Variants in NOL4 observed in about 807,000 individuals in gnomAD.
NOL4 encodes cancer/testis antigen 125.
Under a neutral mutation model 75.9 loss-of-function variants are expected in NOL4, and 17 were observed. The ratio of observed to expected loss-of-function variants is 0.22; its 90% confidence interval spans 0.15 to 0.34. NOL4 has a LOEUF of 0.34. Ranked by LOEUF, NOL4 falls within the 10% of genes least tolerant of loss-of-function variation. The pLI, the probability that NOL4 is intolerant of heterozygous loss-of-function variation, is 1.00. For missense variants in NOL4, 614 were observed against 793.5 expected (o/e 0.77, Z 2.72); for synonymous variants, 292 against 289.9 (o/e 1.01, Z -0.07).
chr18:34,116,980 G>C (rs1228295747), intron 2 of NOL4, among the ~76,000 whole-genome samples: 1 of 152,068 alleles, frequency 6.6e-6, no homozygotes, highest in African/African-American at 2.4e-5. Context: ...CAAACCTCTG[G>C]TTCCTGAAAT....
intron 10 of NOL4, among the ~76,000 whole-genome samples, chr18:33,874,914 A>T (rs1400573195): frequency 6.6e-6 from 1 of 151,934 alleles, no homozygotes; most frequent in Non-Finnish European, 1.5e-5. Flanking sequence ...TAAAGACAAA[A>T]CCCCAAATAT....
intron 2 of NOL4, among the ~76,000 whole-genome samples, chr18:34,106,255 G>A (rs1032576155): frequency 1.3e-5 from 2 of 152,132 alleles, no homozygotes; most frequent in South Asian, 2.1e-4. Flanking sequence ...AGTGGTGATG[G>A]AGTCAACTTT....
intron 2 of NOL4, among the ~76,000 whole-genome samples, chr18:34,124,522 T>C (rs2080294064): frequency 6.6e-6 from 1 of 152,172 alleles, no homozygotes; most frequent in African/African-American, 2.4e-5. Flanking sequence ...TTGCTGAGAC[T>C]TCTTCCTCAT....
At chr18:33,965,044 T>C (rs576052401) in intron 6 of NOL4, among the ~76,000 whole-genome samples, 48 of 152,278 alleles carry the variant, frequency 3.2e-4, no homozygotes, top group African/African-American at 1.1e-3. Context: ...GAGGAAAATA[T>C]ATAGTAACAT....
intron 6 of NOL4, among the ~76,000 whole-genome samples, chr18:33,974,243 T>C (rs1166348344): frequency 6.6e-6 from 1 of 152,182 alleles, no homozygotes; most frequent in Admixed American, 6.5e-5. Flanking sequence ...ACTTTTCTCT[T>C]GAAGCTTTCT....
intron 5 of NOL4, among the ~76,000 whole-genome samples, chr18:34,093,002 C>A (rs539552589): frequency 6.6e-6 from 1 of 152,266 alleles, no homozygotes; most frequent in East Asian, 1.9e-4. Flanking sequence ...TCTTACTCAG[C>A]ACTATTGCTC....
intron 1 of NOL4, among the ~76,000 whole-genome samples, chr18:34,131,626 T>A (rs1242673437): frequency 2.6e-5 from 4 of 152,094 alleles, no homozygotes; most frequent in Non-Finnish European, 5.9e-5. Flanking sequence ...AATATGATAA[T>A]CTTTTACACT....
intron 9 of NOL4, among the ~76,000 whole-genome samples, chr18:33,891,481 A>C (rs2065091250): frequency 1.3e-5 from 2 of 152,176 alleles, no homozygotes; most frequent in African/African-American, 4.8e-5. Flanking sequence ...ACAATGTTCT[A>C]TACTTCAAGG....
chr18:34,207,113 T>C (rs2036175426), intron 1 of NOL4, among the ~76,000 whole-genome samples: 1 of 152,186 alleles, frequency 6.6e-6, no homozygotes, highest in South Asian at 2.1e-4. Context: ...TCAAGAGTGT[T>C]TGCATTTTCA....
intron 1 of NOL4, among the ~76,000 whole-genome samples, chr18:34,137,808 A>ACACACACG (rs1568382902): frequency 6.6e-6 from 1 of 150,832 alleles, no homozygotes; most frequent in African/African-American, 2.4e-5. Flanking sequence ...ACACACACAC[A>ACACACACG]CGCACGCACA....
intron 1 of NOL4, among the ~76,000 whole-genome samples, chr18:34,139,290 G>T (rs2081037863): frequency 2.6e-5 from 4 of 152,202 alleles, no homozygotes; most frequent in Admixed American, 1.3e-4. Context: ...GAATTCGGCT[G>T]TGAATCTGTC....
At chr18:33,963,883 T>A (rs947395533) in intron 6 of NOL4, among the ~76,000 whole-genome samples, 1 of 152,134 alleles carries the variant, frequency 6.6e-6, no homozygotes, top group Non-Finnish European at 1.5e-5. Context: ...ATGGCTCAGA[T>A]AGCAACACCA....
intron 1 of NOL4, chr18:34,183,531 C>T (rs958637648): frequency 6.6e-6 from 1 of 151,918 alleles, no homozygotes; most frequent in African/African-American, 2.4e-5. Context: ...CACATAAAAA[C>T]TTGTATGCAA....
chr18:33,868,139 G>C (rs1004907526), intron 10 of NOL4, among the ~76,000 whole-genome samples: 4 of 151,392 alleles, frequency 2.6e-5, no homozygotes, highest in African/African-American at 9.7e-5. Context: ...TAGAGCTCGA[G>C]TGATCCTCCC....
chr18:33,971,624 AT>A (rs1312953897), intron 6 of NOL4, among the ~76,000 whole-genome samples: 1 of 152,152 alleles, frequency 6.6e-6, no homozygotes, highest in Non-Finnish European at 1.5e-5. Flanking sequence ...CTAAGAGAAA[AT>A]GTACAGTTCT....
rs369783239 is a variant in NOL4 at position 34,024,379 on chromosome 18, G to A, written c.773-4778C>T. Among the ~76,000 whole-genome samples the A allele has an allele frequency of 3.2e-4, 48 of 150,400 alleles. No homozygotes were observed. In the South Asian group the frequency reaches 3.6e-3, roughly 11 times the overall value. On this transcript the variant is annotated intron_variant, in intron 5 of 10. Coordinates refer to ENST00000261592, the MANE Select transcript of NOL4 (RefSeq NM_003787.5). ...GAAAACTTCTCTTTCATATCTTACC[G>A]TAAAACTAAGTATTAGGTCCAAAAT... is the stretch of plus-strand genomic sequence containing the variant.
intron 1 of NOL4, among the ~76,000 whole-genome samples, chr18:34,165,440 C>T (rs971513131): frequency 6.6e-6 from 1 of 152,018 alleles, no homozygotes; most frequent in South Asian, 2.1e-4. Flanking sequence ...AAAGGTTAGC[C>T]TAGCACACCA....
chr18:33,871,822 T>A (rs1346719678), intron 10 of NOL4, among the ~76,000 whole-genome samples: 15 of 152,074 alleles, frequency 9.9e-5, no homozygotes, highest in Admixed American at 9.2e-4. Context: ...AAGTGCTGGA[T>A]AGTTCAGGGA....
At chr18:34,106,584 T>C (rs755788613) in intron 2 of NOL4, among the ~76,000 whole-genome samples, 15 of 151,958 alleles carry the variant, frequency 9.9e-5, no homozygotes, top group Non-Finnish European at 1.5e-4. Flanking sequence ...CTTCAGACTA[T>C]GCAGTTATTG....
Sources: allele counts gnomAD v4.1 joint callset (sites outside exome capture counted in the v4.1 genomes callset), GRCh38; gene constraint gnomAD v4.1.1; transcripts MANE v1.5; gene names NCBI Gene and HGNC (gene_info 2026-07-23, HGNC 2026-07-21).